STK32B: variants seen among roughly 807,000 people sequenced by gnomAD.
STK32B encodes serine/threonine-protein kinase 32B.
STK32B carries 43 observed loss-of-function variants against 52.6 expected under a neutral mutation model. The ratio of observed to expected loss-of-function variants is 0.82; its 90% CI spans 0.64 to 1.05. STK32B has a LOEUF of 1.05. STK32B is among the 50% of genes least tolerant of loss of function. The pLI is 0.00. For synonymous variants in STK32B, 238 were observed against 204.3 expected (o/e 1.17, Z -1.41); for missense variants, 621 against 534.6 (o/e 1.16, Z -1.59).
At chr4:5,334,949 G>T (rs1310844702) in intron 4 of STK32B, among the ~76,000 whole-genome samples, 1 of 151,706 alleles carries the variant, frequency 6.6e-6, no homozygotes, top group Admixed American at 6.6e-5. Context: ...TTTTTTGGTT[G>T]TGTCTCTGCC....
At chr4:5,129,667 G>T (rs1260051108) in intron 1 of STK32B, among the ~76,000 whole-genome samples, 1 of 152,116 alleles carries the variant, frequency 6.6e-6, no homozygotes, top group African/African-American at 2.4e-5. Flanking sequence ...TATCTCTTGT[G>T]TGCCTCAACC....
chr4:5,423,781 TC>T (rs1284186086), intron 6 of STK32B, among the ~76,000 whole-genome samples: 1 of 151,958 alleles, frequency 6.6e-6, no homozygotes, highest in Non-Finnish European at 1.5e-5. Flanking sequence ...CTGCAGTGAG[TC>T]CAGAGGGGTG....
intron 1 of STK32B, among the ~76,000 whole-genome samples, chr4:5,062,871 G>A (rs779122861): frequency 1.3e-5 from 2 of 151,986 alleles, no homozygotes; most frequent in Non-Finnish European, 2.9e-5. Context: ...TGTATAATTT[G>A]GTGTTTTCAC....
At chr4:5,253,036 A>G (rs1217794193) in intron 3 of STK32B, among the ~76,000 whole-genome samples, 4 of 152,112 alleles carry the variant, frequency 2.6e-5, no homozygotes, top group Admixed American at 2.6e-4. Flanking sequence ...TTGTGGCCCC[A>G]AAAGATCTAT....
intron 4 of STK32B, among the ~76,000 whole-genome samples, chr4:5,353,993 T>C (rs1734017452): frequency 6.6e-6 from 1 of 152,218 alleles, no homozygotes; most frequent in African/African-American, 2.4e-5. Flanking sequence ...AAGTGTCCAT[T>C]GGCAGACAAA....
upstream of STK32B, among the ~76,000 whole-genome samples, chr4:5,047,453 A>G (rs1473422908): frequency 6.6e-6 from 1 of 152,156 alleles, no homozygotes; most frequent in African/African-American, 2.4e-5. Context: ...GTATCCCGGA[A>G]CTTAAAGTAA....
intron 3 of STK32B, among the ~76,000 whole-genome samples, chr4:5,254,333 G>T (rs1308709567): frequency 6.6e-6 from 1 of 151,834 alleles, no homozygotes; most frequent in Non-Finnish European, 1.5e-5. Flanking sequence ...TGGTTTTCAA[G>T]AATTTGCTTT....
intron 2 of STK32B, among the ~76,000 whole-genome samples, chr4:5,159,193 G>T (rs2108719640): frequency 6.6e-6 from 1 of 152,272 alleles, no homozygotes. Flanking sequence ...TTACCAAGGG[G>T]GTGCCCCATG....
chr4:5,079,883 A>T (rs1362844921), intron 1 of STK32B, among the ~76,000 whole-genome samples: 3 of 152,138 alleles, frequency 2.0e-5, no homozygotes, highest in Non-Finnish European at 4.4e-5. Flanking sequence ...ATACTCCATG[A>T]TCTCACTTAT....
intron 3 of STK32B, among the ~76,000 whole-genome samples, chr4:5,313,447 A>G (rs1255275885): frequency 1.3e-5 from 2 of 150,164 alleles, no homozygotes; most frequent in Non-Finnish European, 2.9e-5. Flanking sequence ...AAGATTGGGC[A>G]CAAGGTAAGG....
chr4:5,391,182 A>T (rs551406031), intron 4 of STK32B, among the ~76,000 whole-genome samples: 2 of 151,702 alleles, frequency 1.3e-5, no homozygotes, highest in South Asian at 4.2e-4. Context: ...GATGGTCTCG[A>T]TCTCCTTAAC....
At chr4:5,307,337 A>G (rs901552059) in intron 3 of STK32B, among the ~76,000 whole-genome samples, 2 of 152,042 alleles carry the variant, frequency 1.3e-5, no homozygotes, top group African/African-American at 4.8e-5. Flanking sequence ...TCATTTTTTT[A>G]TCTTTTATTC....
intron 2 of STK32B, chr4:5,140,425 C>T (rs1393392645): frequency 6.1e-6 from 4 of 658,134 alleles, no homozygotes; most frequent in Non-Finnish European, 8.1e-6. Flanking sequence ...CCAGTCTGTT[C>T]CCACATACTC....
At chr4:5,238,620 A>T (rs1381597749) in intron 3 of STK32B, among the ~76,000 whole-genome samples, 1 of 152,248 alleles carries the variant, frequency 6.6e-6, no homozygotes, top group Non-Finnish European at 1.5e-5. Flanking sequence ...GGAAAAATCC[A>T]TTTGTATCTT....
chr4:5,129,777 T>C (rs372189807), intron 1 of STK32B, among the ~76,000 whole-genome samples: 1 of 152,216 alleles, frequency 6.6e-6, no homozygotes, highest in East Asian at 1.9e-4. Context: ...CCTGAAGATA[T>C]CCTTAACTCC....
chr4:5,040,923 G>T, the STK32B span, among the ~76,000 whole-genome samples: 160 of 152,304 alleles, frequency 1.1e-3, 2 homozygotes, highest in African/African-American at 3.7e-3. Flanking sequence ...GCAAGTATTT[G>T]TGTATGCATA....
At chr4:5,144,725 T>A (rs1244286471) in intron 2 of STK32B, among the ~76,000 whole-genome samples, 1 of 152,204 alleles carries the variant, frequency 6.6e-6, no homozygotes, top group East Asian at 1.9e-4. Flanking sequence ...ATTGGAAGTT[T>A]GTGTGGAGTT....
intron 4 of STK32B, among the ~76,000 whole-genome samples, chr4:5,373,403 G>A (rs1236001879): frequency 6.6e-6 from 1 of 152,180 alleles, no homozygotes; most frequent in Non-Finnish European, 1.5e-5. Context: ...CCATGTTTCA[G>A]TTTGAGTCCG....
intron 11 of STK32B, among the ~76,000 whole-genome samples, chr4:5,498,471 C>CAAAG (rs1720470389): frequency 6.6e-6 from 1 of 152,274 alleles, no homozygotes; most frequent in East Asian, 1.9e-4. Flanking sequence ...TCCTTGAGGA[C>CAAAG]AAAGAATATG....
Sources: gnomAD v4.1 joint callset for allele counts (sites outside exome capture counted in the v4.1 genomes callset) on GRCh38, gnomAD v4.1.1 for gene constraint, MANE v1.5 for transcripts, NCBI Gene and HGNC (gene_info 2026-07-23, HGNC 2026-07-21) for gene names.